The following NPEPL1 variants were observed in gnomAD, a reference collection of about 807,000 sequenced individuals.
NPEPL1 encodes aminopeptidase like 1.
A neutral mutation model predicts 52.4 loss-of-function variants in NPEPL1; 45 were observed. The ratio of observed to expected loss-of-function variants is 0.86; its 90% confidence interval spans 0.68 to 1.10. The LOEUF is 1.10. Among genes scored for constraint, NPEPL1 ranks in the 50% least tolerant of loss-of-function variants. The probability of loss-of-function intolerance (pLI) is 0.00; values close to 1 mark genes in which losing one functional copy is unlikely to be tolerated. For missense variants in NPEPL1, 696 were observed against 710.9 expected (o/e 0.98, Z 0.24); for synonymous variants, 360 against 314.7 (o/e 1.14, Z -1.52).
chr20:58,693,988 G>A (rs2084408507), intron 2 of NPEPL1, 66 bp downstream of exon 2: 1 of 1,451,438 alleles, frequency 6.9e-7, no homozygotes, highest in Middle Eastern at 2.4e-4. Flanking sequence ...CGGGCCTGGG[G>A]AGCTCACAGC....
At chr20:58,694,724 C>G (rs1601093296) in intron 3 of NPEPL1, 132 bp downstream of exon 3, 1 of 999,092 alleles carries the variant, frequency 1.0e-6, no homozygotes, top group East Asian at 2.8e-5. Flanking sequence ...AGCTTTGGTT[C>G]CTGGGAAGCG....
At chr20:58,715,138 C>G (rs2084927289) in intron 11 of NPEPL1, 30 bp from the exon 12 acceptor site, 6 of 1,582,372 alleles carry the variant, frequency 3.8e-6, no homozygotes, top group Non-Finnish European at 5.1e-6. Context: ...GCCCCACGCC[C>G]AGAGTCTGTG....
In NPEPL1 at chr20:58,713,311, G is replaced by A. The variant is rs965550860; in HGVS notation, c.1002-109G>A. 1.7e-5 allele frequency: 24 copies of A among 1,401,310 alleles called. No individual in the cohort carries two copies. The highest frequency in any genetic ancestry group is 2.3e-5 in the Non-Finnish European group (24 of 1,047,494). The allele number at this position is 1,401,310 out of a possible 1,614,324, so 86.8% of individuals were successfully genotyped here. A position where few individuals can be genotyped will look rare whatever the true frequency, so the allele number is the denominator to read the frequency against. On this transcript the variant is annotated intron_variant, in intron 8 of 11. Transcript: ENST00000356091. This position sits in a 1 kb window ranked among gnomAD's most constrained non-coding sequence, Gnocchi z 4.6. ...TTCAGGGAACGTGTTGGGGTTCGGG[G>A]AGCCACAGGGATGGGCAGCTCCAAA...
Position 58,702,424 on chromosome 20 carries a change from C to T in NPEPL1, c.822+1266C>T, listed in dbSNP as rs138670682. Among the ~76,000 whole-genome samples, 421 of 152,320 alleles carry T rather than the reference C, an allele frequency of 2.8e-3. 1 individual carries two copies. Among genetic ancestry groups the T allele is most frequent in the African/African-American group, 9.5e-3 (396 of 41,568 alleles). On this transcript the variant is annotated intron_variant, in intron 6 of 11. Transcript: ENST00000356091. ...GTGCAGCTCGCCGCGCTCTCTAGCA[C>T]GCCTAGTTTATTTCATACCTGGAGA...
chr20:58,712,661 G>T, intron 8 of NPEPL1, 82 bp downstream of exon 8: 1 of 1,015,656 alleles, frequency 9.8e-7, no homozygotes, highest in Non-Finnish European at 1.6e-6. Flanking sequence ...CTCACTCCAG[G>T]CATATCGGGA....
chr20:58,715,365 C>T lies in NPEPL1; in HGVS notation c.*39C>T, dbSNP rs1158068630. ...GCCCTGACAAACGGGGATCTTTTACCTCACTTTGCACTGATTAATTTTAAG... is the reference window on the plus strand; with the variant it reads ...GCCCTGACAAACGGGGATCTTTTACTTCACTTTGCACTGATTAATTTTAAG... On this transcript the variant is annotated 3_prime_UTR_variant, in exon 12 of 12. Coordinates refer to ENST00000356091, the MANE Select transcript of NPEPL1 (RefSeq NM_024663.4). The T allele has an allele frequency of 1.3e-6, 2 of 1,566,370 alleles. No individual in the cohort carries two copies. The highest frequency in any genetic ancestry group is 1.2e-5 in the South Asian group (1 of 85,100).
In NPEPL1 at chr20:58,715,391, C is replaced by T; in HGVS notation, c.*65C>T. 6.9e-7 allele frequency: 1 copy of T among 1,443,908 alleles called. No homozygotes were observed. Among genetic ancestry groups the T allele is most frequent in the Non-Finnish European group, 9.2e-7 (1 of 1,089,018 alleles). 89.4% of individuals were successfully genotyped at this position (1,443,908 alleles called of 1,614,324 possible). On this transcript the variant is annotated 3_prime_UTR_variant, in exon 12 of 12. Coordinates refer to ENST00000356091, the MANE Select transcript of NPEPL1 (RefSeq NM_024663.4). The stretch of plus-strand genomic sequence containing the variant: ...TCACTTTGCACTGATTAATTTTAAG[C>T]AATTGAAAGATTGCCCTTCATATGG...
intron 6 of NPEPL1, among the ~76,000 whole-genome samples, chr20:58,704,724 G>A (rs1036176479): frequency 6.6e-5 from 10 of 152,136 alleles, no homozygotes; most frequent in African/African-American, 1.7e-4. Flanking sequence ...CTGGCCTCAC[G>A]CATTTTATAG....
chr20:58,712,666 T>C (rs1289358927), intron 8 of NPEPL1, 87 bp downstream of exon 8: 1 of 968,096 alleles, frequency 1.0e-6, no homozygotes, highest in Non-Finnish European at 1.7e-6. Flanking sequence ...TCCAGGCATA[T>C]CGGGAGGGCA....
intron 7 of NPEPL1, among the ~76,000 whole-genome samples, chr20:58,709,045 T>C (rs1265897484): frequency 6.6e-6 from 1 of 152,068 alleles, no homozygotes; most frequent in Non-Finnish European, 1.5e-5. Context: ...AGGAAGCCAC[T>C]TGACAAATGA....
Position 58,713,427 on chromosome 20 carries a change from G to A in NPEPL1, c.1009G>A (p.Glu337Lys). The change falls in exon 9 of 12, where the codon GAA becomes AAA. Residue 337 changes from glutamate to lysine, a missense_variant. Physicochemically the swap from Glu to Lys is moderately conservative, Grantham distance 56 (BLOSUM62 1). Coordinates refer to ENST00000356091, the MANE Select transcript of NPEPL1 (RefSeq NM_024663.4). The surrounding 1 kb of genome is among the most constrained non-coding windows in gnomAD (Gnocchi z 4.6). ...IHLLYSGKTVEINNTDAEGRL... is the reference protein window; with the variant it reads ...IHLLYSGKTVKINNTDAEGRL... ...ATCTCTACCATGCCCCAGGACGGTG[G>A]AAATCAACAACACGGATGCCGAGGG... 6.2e-7 allele frequency: 1 copy of A among 1,606,774 alleles called. No homozygotes were observed.
chr20:58,699,279 G>A lies in NPEPL1; in HGVS notation c.679+1G>A. On this transcript the variant is annotated splice_donor_variant, in intron 5 of 11. Transcript: ENST00000356091. LOFTEE classifies it high-confidence loss of function. ...GAACTGAAGACGAGAGGATTTGGAG[G>A]TGGGTGGGGGCTGCATCCCTGCAGC... 6.2e-7 allele frequency: 1 copy of A among 1,603,508 alleles called. No individual in the cohort carries two copies. Among genetic ancestry groups the A allele is most frequent in the Non-Finnish European group, 8.5e-7 (1 of 1,174,764 alleles).
intron 6 of NPEPL1, 135 bp from the exon 7 acceptor site, chr20:58,706,988 G>C (rs1194616622): frequency 6.8e-6 from 6 of 881,122 alleles, no homozygotes; most frequent in African/African-American, 1.7e-5. Flanking sequence ...CAGGAGGCCT[G>C]GTGTGGGGGC....
chr20:58,706,331 G>A (rs1032858344), intron 6 of NPEPL1, among the ~76,000 whole-genome samples: 3 of 152,228 alleles, frequency 2.0e-5, no homozygotes, highest in Non-Finnish European at 4.4e-5. Context: ...GGTGGTGTCA[G>A]TGGGGGTGGA....
At chr20:58,691,085 T>C (rs1242158824), upstream of NPEPL1, 1 of 703,180 alleles carries the variant, frequency 1.4e-6, no homozygotes, top group Admixed American at 2.0e-5. Context: ...CCTGTGGAAG[T>C]CCTATTACAT....
chr20:58,700,909 C>T (rs1015634724), intron 5 of NPEPL1, 107 bp from the exon 6 acceptor site: 67 of 1,179,318 alleles, frequency 5.7e-5, no homozygotes, highest in South Asian at 1.5e-4. Context: ...CTCAGGCAGG[C>T]GGCTCTCCAG....
intron 3 of NPEPL1, among the ~76,000 whole-genome samples, chr20:58,695,155 ATGTGTGGTGTGTGCATGTG>A (rs2084453268): frequency 4.3e-5 from 1 of 23,276 alleles, no homozygotes; most frequent in Non-Finnish European, 8.6e-5. Context: ...TGTGGTGTGC[ATGTGTGGTGTGTGCATGTG>A]TGGTGTGTGT....
At chr20:58,711,189 G>A (rs1244385152) in intron 7 of NPEPL1, 2 of 148,748 alleles carry the variant, frequency 1.3e-5, no homozygotes, top group African/African-American at 2.5e-5. Flanking sequence ...AGGACTTCAG[G>A]GCTCCCCTCC....
chr20:58,705,074 G>T (rs2084711790), intron 6 of NPEPL1, among the ~76,000 whole-genome samples: 1 of 152,180 alleles, frequency 6.6e-6, no homozygotes, highest in South Asian at 2.1e-4. Flanking sequence ...TTATGAGGAA[G>T]TTGTCATGGT....
Sources: allele counts gnomAD v4.1 joint callset (sites outside exome capture counted in the v4.1 genomes callset), GRCh38; gene constraint gnomAD v4.1.1; non-coding constraint Gnocchi (gnomAD v3.1); transcripts MANE v1.5; gene names NCBI Gene and HGNC (gene_info 2026-07-23, HGNC 2026-07-21).